CERKL: variants seen among roughly 807,000 people sequenced by gnomAD.
CERKL encodes CERK like autophagy regulator.
Under a neutral mutation model 63.4 loss-of-function variants are expected in CERKL, and 61 were observed. The observed-to-expected ratio is 0.96, with a 90% CI of 0.78 to 1.19. CERKL has a LOEUF of 1.19. CERKL is among the 50% of genes most tolerant of loss of function. CERKL has a pLI of 0.00. For missense variants in CERKL, 675 were observed against 655.5 expected (o/e 1.03, Z -0.33); for synonymous variants, 250 against 230.5 (o/e 1.08, Z -0.77).
rs533458318 is a variant in CERKL, at chr2:181,559,803, A to G, written c.678-1095T>C. Among the ~76,000 whole-genome samples, 19 of 152,296 alleles carry G rather than the reference A, an allele frequency of 1.2e-4. No homozygotes were observed. In the East Asian group the frequency reaches 3.7e-3, roughly 29 times the overall value. On this transcript the variant is annotated intron_variant, in intron 4 of 12. Coordinates refer to ENST00000410087, the MANE Select transcript of CERKL (RefSeq NM_201548.5). ...GACCAAAGGCTGAAAGTGTCTTTCC[A>G]GTCAGTTCCCACCATCTTTCTCTCG...
chr2:181,559,885 G>A (rs772726845), intron 4 of CERKL, among the ~76,000 whole-genome samples: 11 of 152,024 alleles, frequency 7.2e-5, no homozygotes, highest in Non-Finnish European at 1.6e-4. Context: ...ACATAGCCTG[G>A]GCAATCCAAG....
chr2:181,638,984 A>G (rs1004337365), intron 1 of CERKL, among the ~76,000 whole-genome samples: 3 of 152,094 alleles, frequency 2.0e-5, no homozygotes, highest in African/African-American at 7.3e-5. Flanking sequence ...ATAAATTGAA[A>G]GGAAAAAAAA....
intron 1 of CERKL, among the ~76,000 whole-genome samples, chr2:181,633,273 A>G (rs989500118): frequency 6.6e-6 from 1 of 152,244 alleles, no homozygotes; most frequent in Non-Finnish European, 1.5e-5. Flanking sequence ...CCAAGGGACA[A>G]AAAGGGGACT....
At chr2:181,640,541 G>T (rs564597701) in intron 1 of CERKL, among the ~76,000 whole-genome samples, 2 of 152,146 alleles carry the variant, frequency 1.3e-5, no homozygotes, top group African/African-American at 4.8e-5. Context: ...ATATGGTTAT[G>T]ATCAGTATTC....
intron 1 of CERKL, among the ~76,000 whole-genome samples, chr2:181,641,066 A>G (rs1687398996): frequency 6.6e-6 from 1 of 152,168 alleles, no homozygotes; most frequent in Non-Finnish European, 1.5e-5. Context: ...GTCAGAGTAC[A>G]CAGACTAAGA....
intron 2 of CERKL, among the ~76,000 whole-genome samples, chr2:181,580,212 AATCTCCTGTGTCC>A (rs1273056645): frequency 6.6e-6 from 1 of 151,884 alleles, no homozygotes; most frequent in Non-Finnish European, 1.5e-5. Context: ...CCACATAAAT[AATCTCCTGTGTCC>A]CTCAGTACCA....
chr2:181,551,517 T>C (rs1047430754), intron 5 of CERKL, among the ~76,000 whole-genome samples: 5 of 151,768 alleles, frequency 3.3e-5, no homozygotes, highest in Non-Finnish European at 7.4e-5. Flanking sequence ...AACAGACACT[T>C]CTCAAAAGAA....
intron 4 of CERKL, among the ~76,000 whole-genome samples, chr2:181,565,034 T>A (rs973096063): frequency 9.2e-5 from 14 of 152,162 alleles, no homozygotes; most frequent in African/African-American, 3.4e-4. Flanking sequence ...ACTTACCACA[T>A]TTTCTTTCTC....
At chr2:181,598,106 G>A (rs1305177793) in intron 2 of CERKL, among the ~76,000 whole-genome samples, 1 of 152,166 alleles carries the variant, frequency 6.6e-6, no homozygotes, top group Non-Finnish European at 1.5e-5. Flanking sequence ...CGAAGAAAGA[G>A]TTTTTCATGG....
chr2:181,642,257 T>G lies in CERKL; in HGVS notation c.238+14512A>C, dbSNP rs1687473196. ...TGGGGTTTAACCCCTGCTTCCATTATTTCTGACCACACAGTCTACCAACAG... is the reference window on the plus strand; with the variant it reads ...TGGGGTTTAACCCCTGCTTCCATTAGTTCTGACCACACAGTCTACCAACAG... On this transcript the variant is annotated intron_variant, in intron 1 of 12. Coordinates refer to ENST00000410087, the MANE Select transcript of CERKL (RefSeq NM_201548.5). 2.0e-5 allele frequency among the ~76,000 whole-genome samples: 3 copies of G among 152,192 alleles called. No homozygotes were observed. The South Asian group carries it at 6.2e-4, about 31-fold the overall frequency.
At chr2:181,538,356 T>G in intron 12 of CERKL, 112 bp from the exon 13 acceptor site, 1 of 657,520 alleles carries the variant, frequency 1.5e-6, no homozygotes, top group Non-Finnish European at 2.8e-6. Context: ...AAACACAGCA[T>G]TCCCAACAGA....
At chr2:181,601,874 C>T (rs933847126) in intron 2 of CERKL, among the ~76,000 whole-genome samples, 5 of 152,188 alleles carry the variant, frequency 3.3e-5, no homozygotes, top group Non-Finnish European at 7.3e-5. Flanking sequence ...TCACTCTGTA[C>T]TCAAAGACCA....
chr2:181,588,610 C>G (rs1057513125), intron 2 of CERKL, among the ~76,000 whole-genome samples: 1 of 152,150 alleles, frequency 6.6e-6, no homozygotes, highest in African/African-American at 2.4e-5. Flanking sequence ...TATTCCCAGT[C>G]GTGGAATTGC....
chr2:181,548,326 A>T (rs1363287144), intron 8 of CERKL: 6 of 570,754 alleles, frequency 1.1e-5, no homozygotes, highest in Non-Finnish European at 1.8e-5. Flanking sequence ...AGGGAGGGAG[A>T]GACAGGGGGA....
At position 181,537,093 on chromosome 2, in the gene CERKL, A is replaced by G. The variant is rs1687161931; in HGVS notation, c.*1091T>C. 2 of 451,790 alleles carry G rather than the reference A, an allele frequency of 4.4e-6. No individual in the cohort carries two copies. Among genetic ancestry groups the G allele is most frequent in the East Asian group, 1.4e-4 (2 of 14,404 alleles). 28.0% of individuals were successfully genotyped at this position (451,790 alleles called of 1,614,324 possible). ...TCCTGAACCCAGAGTGTGTATACAC[A>G]GGAATAAACTTTATGACATTTATGT... is the stretch of plus-strand genomic sequence containing the variant. On this transcript the variant is annotated 3_prime_UTR_variant, in exon 13 of 13. Transcript: ENST00000410087.
chr2:181,586,322 A>G (rs1684763758), intron 2 of CERKL, among the ~76,000 whole-genome samples: 1 of 152,178 alleles, frequency 6.6e-6, no homozygotes, highest in South Asian at 2.1e-4. Context: ...TCTGGAAAAC[A>G]TTTTTAAAAT....
At chr2:181,560,091 A>G (rs992247360) in intron 4 of CERKL, among the ~76,000 whole-genome samples, 1 of 152,206 alleles carries the variant, frequency 6.6e-6, no homozygotes, top group Non-Finnish European at 1.5e-5. Context: ...GAAGTCTGCA[A>G]AATAGGCCAC....
rs1411570341 is a variant in CERKL, at chr2:181,538,940, A to G, written c.1538+152T>C. ...GTAAAGTTGCTTTTTATTTATTGAA[A>G]TTTGTGCATGTCTCTTTATGCTTCC... On this transcript the variant is annotated intron_variant, in intron 12 of 12. Transcript: ENST00000410087. 3 of 644,914 alleles carry G rather than the reference A, an allele frequency of 4.7e-6. No homozygotes were observed. The African/African-American group carries it at 5.5e-5, about 12-fold the overall frequency. 39.9% of individuals were successfully genotyped at this position (644,914 alleles called of 1,614,324 possible).
intron 2 of CERKL, among the ~76,000 whole-genome samples, chr2:181,599,780 T>C (rs964014237): frequency 1.3e-5 from 2 of 152,022 alleles, no homozygotes; most frequent in African/African-American, 4.8e-5. Context: ...GGAAAACATA[T>C]TTGAGGCAAT....
Sources: allele counts gnomAD v4.1 joint callset (sites outside exome capture counted in the v4.1 genomes callset), GRCh38; gene constraint gnomAD v4.1.1; transcripts MANE v1.5; gene names NCBI Gene and HGNC (gene_info 2026-07-23, HGNC 2026-07-21).